The following PDE6B variants were observed in gnomAD, a reference collection of about 807,000 sequenced individuals.
PDE6B encodes the protein phosphodiesterase 6B.
In PDE6B, 106 loss-of-function variants were observed where a neutral mutation model predicts 109.0. The observed-to-expected ratio is 0.97, with a 90% CI of 0.83 to 1.14. The LOEUF (loss-of-function observed/expected upper bound fraction) is 1.14. PDE6B is among the 50% of genes most tolerant of loss of function. PDE6B has a pLI of 0.00. For synonymous variants in PDE6B, 490 were observed against 471.3 expected, an observed-to-expected ratio of 1.04 and a Z score of -0.51; for missense variants, 1,193 against 1,155.6, an observed-to-expected ratio of 1.03 and a Z score of -0.47.
In PDE6B at chr4:662,834, T is replaced by TAA. The variant is rs36093261; in HGVS notation, c.1832+237_1832+238dup. On this transcript the variant is annotated intron_variant, in intron 14 of 21. Coordinates refer to ENST00000496514, the MANE Select transcript of PDE6B (RefSeq NM_000283.4). This position sits in a 1 kb window ranked among gnomAD's most constrained non-coding sequence, Gnocchi z 4.3. ...GCAAGAGCTCTCCTCTACAAAAACT[T>TAA]AAAAAAAAAAAAAAAAAAAAAAGCT... 1.7e-3 allele frequency among the ~76,000 whole-genome samples: 156 copies of TAA among 92,108 alleles called. 1 individual carries two copies. The highest frequency in any genetic ancestry group is 7.7e-3 in the South Asian group (21 of 2,744). The allele number at this position is 92,108 out of a possible 152,430, so 60.4% of individuals were successfully genotyped here.
chr4:659,566 C>CATGTGGGTGTGTGTGTGCACATGTGGGT (rs1736786404), intron 11 of PDE6B, among the ~76,000 whole-genome samples: 1 of 150,880 alleles, frequency 6.6e-6, no homozygotes, highest in Admixed American at 6.6e-5. Flanking sequence ...CATGTGTGCA[C>CATGTGGGTGTGTGTGTGCACATGTGGGT]ATGTGGGTGT....
At chr4:654,785 G>C in intron 5 of PDE6B, 39 bp from the exon 6 acceptor site, 1 of 1,066,876 alleles carries the variant, frequency 9.4e-7, no homozygotes, top group Non-Finnish European at 1.5e-6. Context: ...CTCAGAGCTT[G>C]GCCAGGCAGC....
Position 663,163 on chromosome 4 carries a change from T to C in PDE6B, c.1896T>C (p.Phe632=), listed in dbSNP as rs1737323722. 1.9e-6 allele frequency: 3 copies of C among 1,609,164 alleles called. No individual in the cohort carries two copies. The South Asian group carries it at 3.3e-5, about 18-fold the overall frequency. ...TTTTGGAGCGGCACCACCTGGAGTT[T>C]GGGAAGTTCCTGCTCTCGGAGGAGG... The part of the protein sequence containing the change: ...SSILERHHLE[F]GKFLLSEETL... The change falls in exon 15 of 22, where the codon TTT becomes TTC. Residue 632 remains phenylalanine (F), a synonymous_variant. Coordinates refer to ENST00000496514, the MANE Select transcript of PDE6B (RefSeq NM_000283.4). This position sits in a 1 kb window ranked among gnomAD's most constrained non-coding sequence, Gnocchi z 4.0.
Position 648,903 on chromosome 4 carries a change from G to A in PDE6B, c.712-4949G>A, listed in dbSNP as rs144586185. ...GACTCAGGTCAGGCATGGGAGGAGC[G>A]GGGGAGCCTTCTGTCTCTGCAGGTC... On this transcript the variant is annotated intron_variant, in intron 3 of 21. Transcript: ENST00000496514. This position sits in a 1 kb window ranked among gnomAD's most constrained non-coding sequence, Gnocchi z 4.5. Among the ~76,000 whole-genome samples, 9 of 152,354 alleles carry A rather than the reference G, an allele frequency of 5.9e-5. No individual in the cohort carries two copies. Among genetic ancestry groups the A allele is most frequent in the Admixed American group, 3.9e-4 (6 of 15,304 alleles).
In PDE6B at chr4:663,309, A is replaced by G. The variant is rs1232754638; in HGVS notation, c.1920+122A>G. ...GCGGGTGAGCACTGGGTGTGTGAGC[A>G]CTGGGGGAGGGCGGCAGAGAAGGCG... is the stretch of plus-strand genomic sequence containing the variant. On this transcript the variant is annotated intron_variant, in intron 15 of 21. Transcript: ENST00000496514. This position sits in a 1 kb window ranked among gnomAD's most constrained non-coding sequence, Gnocchi z 4.0. 1 of 716,542 alleles carries G rather than the reference A, an allele frequency of 1.4e-6. No individual in the cohort carries two copies. Among genetic ancestry groups the G allele is most frequent in the Non-Finnish European group, 2.6e-6 (1 of 387,744 alleles). The allele number at this position is 716,542 out of a possible 1,614,324, so 44.4% of individuals were successfully genotyped here. A position where few individuals can be genotyped will look rare whatever the true frequency, so the allele number is the denominator to read the frequency against.
intron 3 of PDE6B, among the ~76,000 whole-genome samples, chr4:639,802 C>A (rs1734861787): frequency 6.6e-6 from 1 of 152,092 alleles, no homozygotes; most frequent in South Asian, 2.1e-4. Flanking sequence ...GAAACCCTGT[C>A]TCTACTAAAA....
Position 636,229 on chromosome 4 carries a change from T to C in PDE6B, c.711+260T>C, listed in dbSNP as rs1321742113. Among the ~76,000 whole-genome samples the C allele has an allele frequency of 6.6e-6, 1 of 152,156 alleles. No individual in the cohort carries two copies. Among genetic ancestry groups the C allele is most frequent in the Admixed American group, 6.5e-5 (1 of 15,286 alleles). ...CTGCAGAGGGGGAAAGGGGCACCTT[T>C]CCTAGAGGCTGCCCCCAACCTCCTT... On this transcript the variant is annotated intron_variant, in intron 3 of 21. Transcript: ENST00000496514. This position sits in a 1 kb window ranked among gnomAD's most constrained non-coding sequence, Gnocchi z 4.5.
intron 5 of PDE6B, chr4:654,394 G>A (rs1260695163): frequency 4.6e-6 from 3 of 649,010 alleles, no homozygotes; most frequent in South Asian, 1.7e-5. Flanking sequence ...GACCCACGTC[G>A]GCTCTGATTG....
chr4:635,275 G>A (rs1734609496), intron 2 of PDE6B, among the ~76,000 whole-genome samples: 2 of 136,066 alleles, frequency 1.5e-5, no homozygotes, highest in Admixed American at 7.6e-5. Flanking sequence ...TGTGCTGCGC[G>A]TCTGCCTCCC....
intron 21 of PDE6B, among the ~76,000 whole-genome samples, chr4:669,752 TCCCCTACCCCATGCTATC>T (rs1560143852): frequency 3.8e-5 from 5 of 132,246 alleles, no homozygotes; most frequent in South Asian, 2.5e-4. Flanking sequence ...CCCATGCTAT[TCCCCTACCCCATGCTATC>T]CCCCTACCCC....
At chr4:668,035 G>C (rs570338359) in intron 21 of PDE6B, 29 bp downstream of exon 21, 1 of 1,602,506 alleles carries the variant, frequency 6.2e-7, no homozygotes, top group African/African-American at 1.3e-5. Flanking sequence ...TGTGGGGCAG[G>C]GACTCGGTGA....
rs1352528979 is a variant in PDE6B, at chr4:663,645, G to C, written c.1921-125G>C. On this transcript the variant is annotated intron_variant, in intron 15 of 21. Transcript: ENST00000496514. The surrounding 1 kb of genome is among the most constrained non-coding windows in gnomAD (Gnocchi z 4.0). Reference sequence around the variant, plus strand: ...GAGCAGCAGGCGGATTAGGGGTCCCGCCCACCGAGGGCCCGAGGGCGGGGG... The same window carrying C: ...GAGCAGCAGGCGGATTAGGGGTCCCCCCCACCGAGGGCCCGAGGGCGGGGG... 1.4e-6 allele frequency: 1 copy of C among 734,956 alleles called. No individual in the cohort carries two copies. The highest frequency in any genetic ancestry group is 1.7e-5 in the African/African-American group (1 of 57,432). The allele number at this position is 734,956 out of a possible 1,614,324, so 45.5% of individuals were successfully genotyped here. A position where few individuals can be genotyped will look rare whatever the true frequency, so the allele number is the denominator to read the frequency against.
intron 3 of PDE6B, among the ~76,000 whole-genome samples, chr4:637,289 T>G (rs970844029): frequency 3.3e-5 from 5 of 152,080 alleles, no homozygotes; most frequent in African/African-American, 1.2e-4. Flanking sequence ...AGGGTCCATC[T>G]GGGCTCGCTA....
chr4:658,891 C>T (rs1047031930), intron 10 of PDE6B, 61 bp from the exon 11 acceptor site: 19 of 1,236,538 alleles, frequency 1.5e-5, no homozygotes, highest in African/African-American at 5.9e-5. Flanking sequence ...GTGGACGCAC[C>T]GCCGTCACCT....
intron 10 of PDE6B, among the ~76,000 whole-genome samples, chr4:658,523 C>T (rs1433353891): frequency 2.0e-5 from 3 of 151,320 alleles, no homozygotes; most frequent in Admixed American, 1.3e-4. Flanking sequence ...GTGCAGTGGG[C>T]GGCCAGGTTA....
At chr4:643,169 A>G (rs1411795788) in intron 3 of PDE6B, among the ~76,000 whole-genome samples, 2 of 152,068 alleles carry the variant, frequency 1.3e-5, no homozygotes, top group Non-Finnish European at 2.9e-5. Flanking sequence ...TTAGCTGGGT[A>G]TGGTGGCAGA....
At chr4:660,035 G>T (rs1577291528) in intron 11 of PDE6B, among the ~76,000 whole-genome samples, 1 of 152,176 alleles carries the variant, frequency 6.6e-6, no homozygotes, top group Non-Finnish European at 1.5e-5. Flanking sequence ...CTGCACGTGT[G>T]TGCCTGCATG....
intron 5 of PDE6B, chr4:654,462 C>CGTGTGT (rs769380840): frequency 2.4e-4 from 139 of 573,258 alleles, no homozygotes; most frequent in South Asian, 2.4e-3. Flanking sequence ...GTGTAGGATG[C>CGTGTGT]GTGTGTGTGT....
Position 670,174 on chromosome 4 carries a change from T to C in PDE6B, c.*67T>C. On this transcript the variant is annotated 3_prime_UTR_variant, in exon 22 of 22. Transcript: ENST00000496514. Reference sequence around the variant, plus strand: ...CCCACTAGGATTTGGGTTCTGCCTGTGGCTATTTGCTACAAGAGGTTAGGA... The same window carrying C: ...CCCACTAGGATTTGGGTTCTGCCTGCGGCTATTTGCTACAAGAGGTTAGGA... 1 of 1,610,398 alleles carries C rather than the reference T, an allele frequency of 6.2e-7. No individual in the cohort carries two copies. The highest frequency in any genetic ancestry group is 2.2e-5 in the East Asian group (1 of 44,820).
Sources: allele counts gnomAD v4.1 joint callset (sites outside exome capture counted in the v4.1 genomes callset), GRCh38; gene constraint gnomAD v4.1.1; non-coding constraint Gnocchi (gnomAD v3.1); transcripts MANE v1.5; gene names NCBI Gene and HGNC (gene_info 2026-07-23, HGNC 2026-07-21).